The following DIAPH2 variants were observed in gnomAD, a reference collection of about 807,000 sequenced individuals.
DIAPH2 encodes the protein protein diaphanous homolog 2.
A neutral mutation model predicts 92.7 loss-of-function variants in DIAPH2; 35 were observed. The observed-to-expected ratio is 0.38, with a 90% CI of 0.29 to 0.50. The LOEUF (loss-of-function observed/expected upper bound fraction) is 0.50. Among genes scored for constraint, DIAPH2 ranks in the 20% least tolerant of loss-of-function variants. The pLI, the probability that DIAPH2 is intolerant of heterozygous loss-of-function variation, is 0.94. For synonymous variants in DIAPH2, 301 were observed against 280.4 expected, an observed-to-expected ratio of 1.07 and a Z score of -0.73; for missense variants, 701 against 819.5, an observed-to-expected ratio of 0.86 and a Z score of 1.77.
At chrX:97,452,914 A>G (rs2070371257) in intron 26 of DIAPH2, among the ~76,000 whole-genome samples, 1 of 111,677 alleles carries the variant, frequency 9.0e-6, no homozygotes, top group Non-Finnish European at 1.9e-5. Flanking sequence ...TTTCTTGGCC[A>G]ACTTCTTTGA....
intron 22 of DIAPH2, among the ~76,000 whole-genome samples, chrX:97,216,610 T>A (rs2067885855): frequency 9.0e-6 from 1 of 111,198 alleles, no homozygotes; most frequent in Admixed American, 9.6e-5. Flanking sequence ...TGGGCCATAT[T>A]TTCTTTAAGA....
chrX:97,010,871 G>T (rs1052702349), intron 17 of DIAPH2, among the ~76,000 whole-genome samples: 1 of 110,337 alleles, frequency 9.1e-6, no homozygotes, highest in Non-Finnish European at 1.9e-5. Flanking sequence ...TTTATTTCCC[G>T]TTTCCAGGCT....
intron 24 of DIAPH2, among the ~76,000 whole-genome samples, chrX:97,378,784 G>A (rs1164928513): frequency 2.7e-5 from 3 of 111,732 alleles, no homozygotes; most frequent in Non-Finnish European, 5.6e-5. Flanking sequence ...CTCATATTTA[G>A]TGTATAAAAA....
chrX:96,999,498 C>CAAA (rs756579556), intron 17 of DIAPH2, among the ~76,000 whole-genome samples: 9 of 47,350 alleles, frequency 1.9e-4, no homozygotes, highest in African/African-American at 2.6e-4. Context: ...GAGACTGTCT[C>CAAA]AAAAAAAAAA....
intron 23 of DIAPH2, among the ~76,000 whole-genome samples, chrX:97,318,040 T>C (rs1422527633): frequency 1.8e-5 from 2 of 112,020 alleles, no homozygotes; most frequent in Non-Finnish European, 3.8e-5. Context: ...CCAAAATTTA[T>C]TCTTACTATC....
chrX:96,730,662 T>C (rs765224308), intron 1 of DIAPH2, among the ~76,000 whole-genome samples: 2 of 111,897 alleles, frequency 1.8e-5, no homozygotes, highest in South Asian at 7.6e-4. Context: ...TCAGAAGCTT[T>C]ATATTGTGAT....
intron 4 of DIAPH2, among the ~76,000 whole-genome samples, chrX:96,765,193 GTTTTTTTT>G (rs142407154): frequency 3.4e-4 from 28 of 83,221 alleles, no homozygotes; most frequent in East Asian, 2.4e-3. Context: ...ATATTCACAT[GTTTTTTTT>G]TTTTTTTTTT....
At chrX:97,284,570 A>G (rs947497377) in intron 23 of DIAPH2, among the ~76,000 whole-genome samples, 1 of 106,477 alleles carries the variant, frequency 9.4e-6, no homozygotes, top group Non-Finnish European at 1.9e-5. Context: ...AGATCGCGCC[A>G]TTGTACTTCA....
At chrX:96,987,866 T>G (rs1354002643) in intron 17 of DIAPH2, among the ~76,000 whole-genome samples, 1 of 111,064 alleles carries the variant, frequency 9.0e-6, no homozygotes, top group East Asian at 2.8e-4. Context: ...ACCAAGATAG[T>G]GATAAAAAGT....
At chrX:96,772,844 A>G (rs995376742) in intron 4 of DIAPH2, among the ~76,000 whole-genome samples, 8 of 112,824 alleles carry the variant, frequency 7.1e-5, no homozygotes, top group Admixed American at 6.5e-4. Flanking sequence ...TAAGGAGAAA[A>G]TAACTGCTTG....
At chrX:96,884,535 C>T in intron 5 of DIAPH2, 4 of 1,210,414 alleles carry the variant, frequency 3.3e-6, no homozygotes, top group Non-Finnish European at 3.4e-6. Context: ...CCCAGGTCTC[C>T]ATCGTGGGGG....
chrX:97,451,821 A>G (rs1367302230), intron 26 of DIAPH2, among the ~76,000 whole-genome samples: 1 of 111,416 alleles, frequency 9.0e-6, no homozygotes, highest in Non-Finnish European at 1.9e-5. Flanking sequence ...TTATAAGAAA[A>G]CCTACTGCTT....
chrX:97,117,529 T>A (rs2147381795), intron 21 of DIAPH2, among the ~76,000 whole-genome samples: 1 of 112,224 alleles, frequency 8.9e-6, no homozygotes, highest in South Asian at 3.7e-4. Flanking sequence ...ATTTTTCTAA[T>A]GATAATTTCT....
At chrX:97,212,545 TA>T (rs1022746717) in intron 22 of DIAPH2, among the ~76,000 whole-genome samples, 4 of 108,163 alleles carry the variant, frequency 3.7e-5, no homozygotes, top group African/African-American at 1.3e-4. Flanking sequence ...CCTTTCTCAC[TA>T]AAAAACTGTA....
intron 4 of DIAPH2, among the ~76,000 whole-genome samples, chrX:96,762,562 A>G (rs927410997): frequency 3.3e-4 from 37 of 111,250 alleles, no homozygotes; most frequent in African/African-American, 1.2e-3. Context: ...CCTAAAGTTT[A>G]CTTCTGAACT....
At position 97,205,478 on chromosome X, in the gene DIAPH2, GA is replaced by G. The variant is rs1380477522; in HGVS notation, c.2720-42227del. 4.8e-3 allele frequency among the ~76,000 whole-genome samples: 515 copies of G among 106,679 alleles called. 3 individuals carry two copies. Among genetic ancestry groups the G allele is most frequent in the African/African-American group, 0.015 (428 of 29,439 alleles). The allele number at this position is 106,679 out of a possible 115,157, so 92.6% of individuals were successfully genotyped here. On this transcript the variant is annotated intron_variant, in intron 22 of 26. Coordinates refer to ENST00000324765, the MANE Select transcript of DIAPH2 (RefSeq NM_006729.5). ...ACAAGGAACTTAAGCATATTTACAA[GA>G]AAAAAAAAATCAAAAAGTAGGCAAA...
intron 23 of DIAPH2, among the ~76,000 whole-genome samples, chrX:97,265,848 T>C (rs1239079753): frequency 4.5e-5 from 5 of 111,818 alleles, no homozygotes; most frequent in Non-Finnish European, 9.4e-5. Flanking sequence ...ATTATCACTA[T>C]TGAGTTGAGT....
At chrX:97,356,227 T>C (rs969713015) in intron 24 of DIAPH2, among the ~76,000 whole-genome samples, 2 of 111,681 alleles carry the variant, frequency 1.8e-5, no homozygotes, top group Admixed American at 9.6e-5. Context: ...AAGGGAATCC[T>C]AAAATCTTAA....
intron 17 of DIAPH2, among the ~76,000 whole-genome samples, chrX:97,034,991 C>T (rs1258911545): frequency 8.9e-6 from 1 of 112,094 alleles, no homozygotes; most frequent in Non-Finnish European, 1.9e-5. Flanking sequence ...ACTTACAAAA[C>T]ATATCGGCTA....
Sources: allele counts gnomAD v4.1 joint callset (sites outside exome capture counted in the v4.1 genomes callset), GRCh38; gene constraint gnomAD v4.1.1; transcripts MANE v1.5; gene names NCBI Gene and HGNC (gene_info 2026-07-23, HGNC 2026-07-21).